Variants in UTRN observed in about 807,000 individuals in gnomAD.
The protein encoded by UTRN is dystrophin-related protein 1.
UTRN carries 283 observed loss-of-function variants against 463.9 expected under a neutral mutation model. The ratio of observed to expected loss-of-function variants is 0.61; its 90% confidence interval spans 0.55 to 0.67. The LOEUF is 0.67. UTRN is among the 30% of genes least tolerant of loss of function. The probability of loss-of-function intolerance (pLI) is 0.00; values close to 1 mark genes in which losing one functional copy is unlikely to be tolerated. For missense variants in UTRN, 3,922 were observed against 4,084.3 expected (o/e 0.96, Z 1.08); for synonymous variants, 1,442 against 1,431.5 (o/e 1.01, Z -0.17).
chr6:144,305,001 G>A (rs571889985), intron 2 of UTRN, among the ~76,000 whole-genome samples: 5 of 150,502 alleles, frequency 3.3e-5, no homozygotes, highest in South Asian at 4.2e-4. Context: ...GCGCGATCTC[G>A]GCTCACTACA....
In UTRN at chr6:144,629,924, G is replaced by A. The variant is rs776074380; in HGVS notation, c.7480-48482G>A. Among the ~76,000 whole-genome samples, 12 of 152,240 alleles carry A rather than the reference G, an allele frequency of 7.9e-5. 1 individual carries two copies. Among genetic ancestry groups the A allele is most frequent in the East Asian group, 3.9e-4 (2 of 5,168 alleles). Reference sequence around the variant, plus strand: ...ATTCTGGCCGGGCGTAGTGGCTCACGCCTGTAATCCCAGCACTTTGGGAGG... The same window carrying A: ...ATTCTGGCCGGGCGTAGTGGCTCACACCTGTAATCCCAGCACTTTGGGAGG... On this transcript the variant is annotated intron_variant, in intron 51 of 74. Coordinates refer to ENST00000367545, the MANE Select transcript of UTRN (RefSeq NM_007124.3).
intron 74 of UTRN, among the ~76,000 whole-genome samples, chr6:144,847,181 G>T (rs1782093127): frequency 6.6e-6 from 1 of 152,074 alleles, no homozygotes; most frequent in African/African-American, 2.4e-5. Context: ...AAAATGACTG[G>T]TACCACAGAG....
intron 2 of UTRN, among the ~76,000 whole-genome samples, chr6:144,332,904 TTTTATTTATTTATTTA>T (rs200334669): frequency 0.035 from 5,087 of 145,174 alleles, 136 homozygotes; most frequent in Non-Finnish European, 0.047. Flanking sequence ...GATATTAACC[TTTTATTTATTTATTTA>T]TTTATTTATT....
At chr6:144,693,137 A>T (rs1586049282) in intron 52 of UTRN, among the ~76,000 whole-genome samples, 1 of 152,220 alleles carries the variant, frequency 6.6e-6, no homozygotes, top group East Asian at 1.9e-4. Context: ...AGCAACGTTT[A>T]TTGAATAGGG....
intron 74 of UTRN, among the ~76,000 whole-genome samples, chr6:144,849,393 C>G (rs1226323021): frequency 1.3e-5 from 2 of 152,084 alleles, no homozygotes; most frequent in African/African-American, 4.8e-5. Context: ...TTTTAAAATC[C>G]TCAGATATAA....
At chr6:144,669,870 A>C (rs1780818661) in intron 51 of UTRN, among the ~76,000 whole-genome samples, 1 of 152,142 alleles carries the variant, frequency 6.6e-6, no homozygotes, top group African/African-American at 2.4e-5. Flanking sequence ...CTTCACTTAG[A>C]ATAATGGTCT....
intron 2 of UTRN, among the ~76,000 whole-genome samples, chr6:144,327,074 A>G (rs1776020523): frequency 6.6e-6 from 1 of 151,988 alleles, no homozygotes; most frequent in African/African-American, 2.4e-5. Context: ...TGTGAAGCCG[A>G]GGGGGTTTTG....
chr6:144,633,318 C>A (rs972835599), intron 51 of UTRN, among the ~76,000 whole-genome samples: 6 of 151,876 alleles, frequency 4.0e-5, no homozygotes, highest in African/African-American at 1.5e-4. Context: ...CAAGCTCCGC[C>A]TCCCGGGTTC....
chr6:144,753,644 TG>T (rs1383286127), intron 56 of UTRN, among the ~76,000 whole-genome samples: 2 of 126,310 alleles, frequency 1.6e-5, no homozygotes, highest in Non-Finnish European at 3.3e-5. Flanking sequence ...AACAAAGATG[TG>T]GATAAAAGAT....
At chr6:144,698,112 A>C (rs978105660) in intron 52 of UTRN, among the ~76,000 whole-genome samples, 1 of 152,242 alleles carries the variant, frequency 6.6e-6, no homozygotes, top group Non-Finnish European at 1.5e-5. Context: ...TATTTGCTGC[A>C]AAATGGCTTA....
At chr6:144,521,959 T>C in intron 39 of UTRN, 21 bp from the exon 40 acceptor site, 1 of 1,401,670 alleles carries the variant, frequency 7.1e-7, no homozygotes, top group African/African-American at 1.5e-5. Flanking sequence ...ATATATATTT[T>C]TTTTTTTGCT....
intron 51 of UTRN, among the ~76,000 whole-genome samples, chr6:144,580,781 T>G (rs1414268776): frequency 1.3e-5 from 2 of 152,190 alleles, no homozygotes. Flanking sequence ...ACAAGAGTGA[T>G]GCAATGGGAT....
intron 2 of UTRN, among the ~76,000 whole-genome samples, chr6:144,330,581 AG>A (rs1350847554): frequency 6.6e-6 from 1 of 152,198 alleles, no homozygotes; most frequent in African/African-American, 2.4e-5. Context: ...CTGAGAAGAG[AG>A]GAAGTGCTTG....
intron 2 of UTRN, among the ~76,000 whole-genome samples, chr6:144,394,127 T>C (rs1349555437): frequency 6.6e-6 from 1 of 152,228 alleles, no homozygotes; most frequent in African/African-American, 2.4e-5. Context: ...TTGGAGTTGT[T>C]GGCTTCAGAA....
In UTRN at chr6:144,438,682, T is replaced by A. The variant is rs1786824899; in HGVS notation, c.1242-63T>A. On this transcript the variant is annotated intron_variant, in intron 11 of 74. Transcript: ENST00000367545. ...TGCCCTGTATCTCCGGTGCCCAGAA[T>A]GTATATTTGACTTTGCAAAGGGAAA... 5.0e-6 allele frequency: 8 copies of A among 1,591,134 alleles called. No homozygotes were observed. In the East Asian group the frequency reaches 9.0e-5, roughly 18 times the overall value.
At chr6:144,349,994 G>A (rs1777970310) in intron 2 of UTRN, among the ~76,000 whole-genome samples, 1 of 152,118 alleles carries the variant, frequency 6.6e-6, no homozygotes, top group Non-Finnish European at 1.5e-5. Context: ...TTTTGCAGAG[G>A]AAGATGACTC....
chr6:144,551,479 C>T (rs1276645591), intron 48 of UTRN, among the ~76,000 whole-genome samples: 3 of 152,180 alleles, frequency 2.0e-5, no homozygotes, highest in African/African-American at 4.8e-5. Flanking sequence ...TTTAACTCAA[C>T]CCAAAATTCA....
chr6:144,618,979 A>C (rs1775066558), intron 51 of UTRN, among the ~76,000 whole-genome samples: 3 of 152,130 alleles, frequency 2.0e-5, no homozygotes, highest in Non-Finnish European at 4.4e-5. Context: ...TAAGGATTAA[A>C]TTGACCATGC....
chr6:144,812,084 A>C (rs1424280095), intron 65 of UTRN, among the ~76,000 whole-genome samples: 2 of 152,152 alleles, frequency 1.3e-5, no homozygotes, highest in Non-Finnish European at 2.9e-5. Context: ...TGATATCTCA[A>C]GTTAAGAAGT....
Sources: allele counts gnomAD v4.1 joint callset (sites outside exome capture counted in the v4.1 genomes callset), GRCh38; gene constraint gnomAD v4.1.1; transcripts MANE v1.5; gene names NCBI Gene and HGNC (gene_info 2026-07-23, HGNC 2026-07-21).